CRISPLD2: variants seen among roughly 807,000 people sequenced by gnomAD.
CRISPLD2 encodes the protein cysteine-rich secretory protein LCCL domain-containing 2.
Under a neutral mutation model 71.1 loss-of-function variants are expected in CRISPLD2, and 47 were observed. The ratio of observed to expected loss-of-function variants is 0.66; its 90% CI spans 0.52 to 0.84. CRISPLD2 has a LOEUF of 0.84. Among genes scored for constraint, CRISPLD2 ranks in the 40% least tolerant of loss-of-function variants. CRISPLD2 has a pLI of 0.00. For missense variants in CRISPLD2, 830 were observed against 651.1 expected, an observed-to-expected ratio of 1.27 and a Z score of -2.99; for synonymous variants, 317 against 250.1, an observed-to-expected ratio of 1.27 and a Z score of -2.52.
intron 14 of CRISPLD2, 105 bp downstream of exon 14, chr16:84,889,468 G>C: frequency 8.2e-7 from 1 of 1,222,644 alleles, no homozygotes; most frequent in South Asian, 1.8e-5. Context: ...AATAAAACTC[G>C]GGTAGACTTG....
At chr16:84,825,672 C>T (rs1372497664) in intron 1 of CRISPLD2, among the ~76,000 whole-genome samples, 1 of 152,082 alleles carries the variant, frequency 6.6e-6, no homozygotes, top group African/African-American at 2.4e-5. Flanking sequence ...AGGAGAACCG[C>T]TTGAGCCTGG....
At chr16:84,886,896 G>A (rs774997035) in intron 13 of CRISPLD2, among the ~76,000 whole-genome samples, 7 of 152,132 alleles carry the variant, frequency 4.6e-5, no homozygotes, top group Admixed American at 3.9e-4. Context: ...GCATATTCAC[G>A]TTGTAATGGG....
At chr16:84,879,988 G>C (rs893576103) in intron 12 of CRISPLD2, among the ~76,000 whole-genome samples, 11 of 152,188 alleles carry the variant, frequency 7.2e-5, no homozygotes, top group Non-Finnish European at 1.6e-4. Context: ...TGCCCTGGAG[G>C]ATCTGTGGTG....
At chr16:84,853,406 G>A (rs1597459594) in intron 5 of CRISPLD2, among the ~76,000 whole-genome samples, 1 of 152,180 alleles carries the variant, frequency 6.6e-6, no homozygotes. Flanking sequence ...GGCATGGCAC[G>A]GACGCGATCA....
At chr16:84,848,160 G>A (rs979912659) in intron 3 of CRISPLD2, among the ~76,000 whole-genome samples, 5 of 152,144 alleles carry the variant, frequency 3.3e-5, no homozygotes, top group African/African-American at 9.7e-5. Flanking sequence ...CCATGCCAGT[G>A]CCAGCCTTGA....
At chr16:84,875,461 G>A (rs1305728762) in intron 11 of CRISPLD2, among the ~76,000 whole-genome samples, 1 of 128,142 alleles carries the variant, frequency 7.8e-6, no homozygotes, top group Non-Finnish European at 1.6e-5. Context: ...TATCATTAGT[G>A]TTAGTATATT....
chr16:84,853,481 A>T (rs550173709), intron 5 of CRISPLD2, among the ~76,000 whole-genome samples: 1 of 152,328 alleles, frequency 6.6e-6, no homozygotes, highest in Admixed American at 6.5e-5. Context: ...GCCCAGTCAG[A>T]CAGTGGCCAG....
At chr16:84,884,626 T>C (rs1467997888) in intron 13 of CRISPLD2, among the ~76,000 whole-genome samples, 1 of 140,254 alleles carries the variant, frequency 7.1e-6, no homozygotes, top group Non-Finnish European at 1.5e-5. Flanking sequence ...AGAGGAGAGG[T>C]GTGGAGGAAG....
chr16:84,899,999 C>T (rs1300470750), intron 14 of CRISPLD2, among the ~76,000 whole-genome samples: 1 of 152,128 alleles, frequency 6.6e-6, no homozygotes, highest in Non-Finnish European at 1.5e-5. Context: ...GGAAATCTTA[C>T]ATCCCCCAAG....
chr16:84,882,198 G>T (rs2071573971), intron 13 of CRISPLD2, among the ~76,000 whole-genome samples: 1 of 151,992 alleles, frequency 6.6e-6, no homozygotes, highest in Non-Finnish European at 1.5e-5. Flanking sequence ...AGCAAGAGTG[G>T]CAATATTCCT....
At chr16:84,885,524 C>A (rs989057517) in intron 13 of CRISPLD2, among the ~76,000 whole-genome samples, 1 of 152,228 alleles carries the variant, frequency 6.6e-6, no homozygotes, top group Admixed American at 6.5e-5. Flanking sequence ...TGCAGGTCCA[C>A]GGCCTTCTGC....
At chr16:84,888,696 A>T (rs921582631) in intron 13 of CRISPLD2, among the ~76,000 whole-genome samples, 7 of 152,262 alleles carry the variant, frequency 4.6e-5, no homozygotes, top group African/African-American at 1.7e-4. Context: ...ATGAGTTTAT[A>T]TCCACCCCAG....
chr16:84,877,396 C>A (rs766725795), intron 11 of CRISPLD2, 42 bp from the exon 12 acceptor site: 1 of 1,580,696 alleles, frequency 6.3e-7, no homozygotes, highest in Non-Finnish European at 8.7e-7. Context: ...GAGGCCCAGG[C>A]GTGCTGGGAC....
chr16:84,859,067 A>G lies in CRISPLD2; in HGVS notation c.709+4238A>G, dbSNP rs1056354386. 7.9e-5 allele frequency among the ~76,000 whole-genome samples: 12 copies of G among 152,226 alleles called. 1 individual carries two copies. Among genetic ancestry groups the G allele is most frequent in the Admixed American group, 3.3e-4 (5 of 15,280 alleles). ...TCTCTGCAGTCCCTCCAGGGATGCG[A>G]TATTGTTTTTGATTTACTATTTTTC... is the stretch of plus-strand genomic sequence containing the variant. On this transcript the variant is annotated intron_variant, in intron 6 of 14. Coordinates refer to ENST00000262424, the MANE Select transcript of CRISPLD2 (RefSeq NM_031476.4).
chr16:84,838,769 C>A lies in CRISPLD2; in HGVS notation c.240+34C>A. 2.5e-6 allele frequency: 4 copies of A among 1,589,996 alleles called. No homozygotes were observed. In the South Asian group the frequency reaches 4.5e-5, roughly 18 times the overall value. Reference sequence around the variant, plus strand: ...CGGCTCCGGCCGCAGAGGCTGGCACCGGGGGTGGGGCCTGGGCCACCAGCC... The same window carrying A: ...CGGCTCCGGCCGCAGAGGCTGGCACAGGGGGTGGGGCCTGGGCCACCAGCC... On this transcript the variant is annotated intron_variant, in intron 2 of 14. Transcript: ENST00000262424.
intron 13 of CRISPLD2, among the ~76,000 whole-genome samples, chr16:84,883,433 T>C (rs979016582): frequency 6.6e-6 from 1 of 152,216 alleles, no homozygotes; most frequent in African/African-American, 2.4e-5. Context: ...GCCACGGCGG[T>C]GACATTTGCC....
intron 2 of CRISPLD2, chr16:84,838,971 C>G: frequency 1.5e-6 from 1 of 668,636 alleles, no homozygotes; most frequent in Non-Finnish European, 2.7e-6. Flanking sequence ...GCCCTGAAAC[C>G]TTAGACTCCC....
intron 8 of CRISPLD2, among the ~76,000 whole-genome samples, chr16:84,870,219 A>G (rs550236413): frequency 6.6e-6 from 1 of 152,352 alleles, no homozygotes. Context: ...AGAAAGAAAA[A>G]AATGTGTTCC....
At chr16:84,851,618 G>A (rs1223773886) in intron 5 of CRISPLD2, among the ~76,000 whole-genome samples, 4 of 152,332 alleles carry the variant, frequency 2.6e-5, no homozygotes, top group South Asian at 2.1e-4. Context: ...CTGCGGTGGC[G>A]TGGCGCGGCT....
Sources: allele counts gnomAD v4.1 joint callset (sites outside exome capture counted in the v4.1 genomes callset), GRCh38; gene constraint gnomAD v4.1.1; transcripts MANE v1.5; gene names NCBI Gene and HGNC (gene_info 2026-07-23, HGNC 2026-07-21).